The following ANKRD44 variants were observed in gnomAD, a reference collection of about 807,000 sequenced individuals.
The protein encoded by ANKRD44 is serine/threonine-protein phosphatase 6 regulatory ankyrin repeat subunit B.
A neutral mutation model predicts 116.0 loss-of-function variants in ANKRD44; 35 were observed. That is an observed-to-expected ratio of 0.30 (90% CI 0.23 to 0.40). The LOEUF (loss-of-function observed/expected upper bound fraction) is 0.40. ANKRD44 is among the 10% of genes least tolerant of loss of function. The pLI is 1.00. For missense variants in ANKRD44, 1,014 were observed against 1,242.6 expected, an observed-to-expected ratio of 0.82 and a Z score of 2.77; for synonymous variants, 435 against 461.8, an observed-to-expected ratio of 0.94 and a Z score of 0.74.
At chr2:197,075,235 C>A (rs911846821) in intron 16 of ANKRD44, among the ~76,000 whole-genome samples, 1 of 152,028 alleles carries the variant, frequency 6.6e-6, no homozygotes, top group Non-Finnish European at 1.5e-5. Flanking sequence ...TGTTCATGGA[C>A]AAATCTTTAA....
In ANKRD44 at chr2:197,212,416, TAGTC is replaced by T. The variant is rs1010827899; in HGVS notation, c.28-25314_28-25311del. Among the ~76,000 whole-genome samples, 3 of 152,188 alleles carry T rather than the reference TAGTC, an allele frequency of 2.0e-5. No homozygotes were observed. Among genetic ancestry groups the T allele is most frequent in the African/African-American group, 7.2e-5 (3 of 41,440 alleles). On this transcript the variant is annotated intron_variant, in intron 1 of 27. Transcript: ENST00000282272. The surrounding 1 kb of genome is among the most constrained non-coding windows in gnomAD (Gnocchi z 4.8). ...AACCCCTATGTATTTAATGGTTATC[TAGTC>T]AGTCCATTGTTGCCTAGACAAAGGC... is the stretch of plus-strand genomic sequence containing the variant.
At chr2:197,100,265 T>C (rs976202324) in intron 9 of ANKRD44, among the ~76,000 whole-genome samples, 6 of 151,996 alleles carry the variant, frequency 3.9e-5, no homozygotes, top group Non-Finnish European at 8.8e-5. Flanking sequence ...TGAAACCTCA[T>C]CTCTACCAAA....
intron 22 of ANKRD44, 103 bp downstream of exon 22, chr2:197,001,650 T>G (rs2076117197): frequency 1.3e-6 from 1 of 741,136 alleles, no homozygotes; most frequent in South Asian, 2.1e-5. Context: ...AATATTTCAG[T>G]CTTATCTGTA....
intron 2 of ANKRD44, among the ~76,000 whole-genome samples, chr2:197,176,849 C>G (rs1320333338): frequency 6.6e-6 from 1 of 152,064 alleles, no homozygotes; most frequent in African/African-American, 2.4e-5. Flanking sequence ...CCTCTCCAAC[C>G]CCCTAGGCTT....
chr2:197,109,193 T>C (rs1052744247), intron 9 of ANKRD44, among the ~76,000 whole-genome samples: 2 of 152,196 alleles, frequency 1.3e-5, no homozygotes, highest in African/African-American at 4.8e-5. Flanking sequence ...TGTTTGTTTT[T>C]AAAGGGGGGT....
At chr2:197,272,289 A>C (rs1287815936) in intron 1 of ANKRD44, among the ~76,000 whole-genome samples, 1 of 152,138 alleles carries the variant, frequency 6.6e-6, no homozygotes, top group African/African-American at 2.4e-5. Flanking sequence ...CCCAGGCTGG[A>C]GTGCAGTGAC....
chr2:197,146,180 A>G (rs1295328723), intron 3 of ANKRD44, among the ~76,000 whole-genome samples: 2 of 152,212 alleles, frequency 1.3e-5, no homozygotes, highest in African/African-American at 4.8e-5. Flanking sequence ...ATAAACACAA[A>G]TCAGATTTAA....
At chr2:197,156,219 A>G (rs949733910) in intron 2 of ANKRD44, among the ~76,000 whole-genome samples, 6 of 152,092 alleles carry the variant, frequency 3.9e-5, no homozygotes, top group Admixed American at 1.3e-4. Context: ...GGTGTCAGGC[A>G]CCTGTAGTCC....
At chr2:197,202,092 C>T (rs1015653021) in intron 1 of ANKRD44, among the ~76,000 whole-genome samples, 2 of 152,240 alleles carry the variant, frequency 1.3e-5, no homozygotes, top group African/African-American at 4.8e-5. Context: ...TGGCCTGTGA[C>T]AGCAGTGGCC....
chr2:197,244,683 T>C (rs763455021), intron 1 of ANKRD44, among the ~76,000 whole-genome samples: 1 of 152,256 alleles, frequency 6.6e-6, no homozygotes, highest in South Asian at 2.1e-4. Flanking sequence ...ATTCACCTTC[T>C]ACCCTATCAA....
intron 1 of ANKRD44, among the ~76,000 whole-genome samples, chr2:197,285,643 A>G (rs1263253785): frequency 6.6e-6 from 1 of 152,220 alleles, no homozygotes; most frequent in East Asian, 1.9e-4. Flanking sequence ...GCCAAGTGTC[A>G]CAGCCTTAAA....
chr2:196,998,076 T>TTGCC (rs2076046546), intron 25 of ANKRD44, among the ~76,000 whole-genome samples: 1 of 152,168 alleles, frequency 6.6e-6, no homozygotes, highest in Admixed American at 6.5e-5. Context: ...ACAGACAGAC[T>TTGCC]ACAGCAAGAA....
At chr2:197,256,858 T>C (rs2105700732) in intron 1 of ANKRD44, among the ~76,000 whole-genome samples, 1 of 152,222 alleles carries the variant, frequency 6.6e-6, no homozygotes, top group African/African-American at 2.4e-5. Context: ...TCCCAGTAAA[T>C]TGTAAACTGT....
chr2:197,242,794 A>C (rs538617936), intron 1 of ANKRD44, among the ~76,000 whole-genome samples: 10 of 152,336 alleles, frequency 6.6e-5, no homozygotes, highest in Non-Finnish European at 8.8e-5. Flanking sequence ...CTCAACACTC[A>C]AGATGAGACC....
chr2:197,011,855 C>T (rs1341679186), intron 18 of ANKRD44, among the ~76,000 whole-genome samples: 1 of 152,090 alleles, frequency 6.6e-6, no homozygotes, highest in Admixed American at 6.6e-5. Context: ...TTTCTTTTTC[C>T]CCAAATTGCC....
chr2:197,125,390 C>T lies in ANKRD44; in HGVS notation c.541G>A (p.Ala181Thr), dbSNP rs899839440. The change falls in exon 6 of 28, where the codon GCA becomes ACA. Residue 181 changes from alanine (A) to threonine (T), a missense_variant. Transcript: ENST00000282272. The stretch of plus-strand genomic sequence containing the variant: ...TGCATGGAATCCTTACCCATGTATG[C>T]TGCCCAGTGCAGAGCACGCCGGTCC... ...KKDRRALHWA[A>T]YMGHLDVVAL... 23 of 1,614,020 alleles carry T rather than the reference C, an allele frequency of 1.4e-5. No individual in the cohort carries two copies. The highest frequency in any genetic ancestry group is 1.9e-5 in the Non-Finnish European group (22 of 1,179,962).
chr2:197,039,552 G>A (rs1559011990), intron 16 of ANKRD44, among the ~76,000 whole-genome samples: 1 of 152,134 alleles, frequency 6.6e-6, no homozygotes, highest in Non-Finnish European at 1.5e-5. Flanking sequence ...CAAAGGTTAA[G>A]TCACCCTTCT....
rs1049475541 is a variant in ANKRD44 at position 196,987,824 on chromosome 2, A to G, written c.*1767T>C. 2.0e-6 allele frequency: 2 copies of G among 983,860 alleles called. No individual in the cohort carries two copies. Among genetic ancestry groups the G allele is most frequent in the Admixed American group, 1.2e-4 (2 of 16,128 alleles). 60.9% of individuals were successfully genotyped at this position (983,860 alleles called of 1,614,324 possible). On this transcript the variant is annotated 3_prime_UTR_variant, in exon 28 of 28. Coordinates refer to ENST00000282272, the MANE Select transcript of ANKRD44 (RefSeq NM_001195144.2). ...CAAATAAAAGCACTAAGCAACTAAG[A>G]CTCAGTTAAAAACACATTTTTTTTT...
chr2:197,271,937 C>T (rs2082909142), intron 1 of ANKRD44, among the ~76,000 whole-genome samples: 2 of 152,056 alleles, frequency 1.3e-5, no homozygotes, highest in Admixed American at 1.3e-4. Flanking sequence ...GCTGCTATTG[C>T]CTGAATGTTT....
Sources: gnomAD v4.1 joint callset for allele counts (sites outside exome capture counted in the v4.1 genomes callset) on GRCh38, gnomAD v4.1.1 for gene constraint, Gnocchi (gnomAD v3.1) non-coding constraint, MANE v1.5 for transcripts, NCBI Gene and HGNC (gene_info 2026-07-23, HGNC 2026-07-21) for gene names.